Variants in PUS7 observed in about 807,000 individuals in gnomAD.
The protein encoded by PUS7 is pseudouridylate synthase 7 homolog.
A neutral mutation model predicts 79.8 loss-of-function variants in PUS7; 48 were observed. That is an observed-to-expected ratio of 0.60 (90% CI 0.48 to 0.76). The LOEUF (loss-of-function observed/expected upper bound fraction) is 0.76. Among genes scored for constraint, PUS7 ranks in the 30% least tolerant of loss-of-function variants. The probability of loss-of-function intolerance (pLI) is 0.00; values close to 1 mark genes in which losing one functional copy is unlikely to be tolerated. For missense variants in PUS7, 729 were observed against 797.6 expected (o/e 0.91, Z 1.04); for synonymous variants, 286 against 272.2 (o/e 1.05, Z -0.50).
At chr7:105,462,797 A>T (rs1563351836) in intron 13 of PUS7, 47 bp from the exon 14 acceptor site, 9 of 1,570,312 alleles carry the variant, frequency 5.7e-6, no homozygotes, top group Non-Finnish European at 7.8e-6. Flanking sequence ...TTGTCAGTCA[A>T]GTTATCCTGA....
Position 105,510,360 on chromosome 7 carries a change from G to A in PUS7, c.-32-1816C>T, listed in dbSNP as rs567955926. Among the ~76,000 whole-genome samples the A allele has an allele frequency of 7.2e-5, 11 of 151,964 alleles. No individual in the cohort carries two copies. The South Asian group carries it at 1.9e-3, about 26-fold the overall frequency. On this transcript the variant is annotated intron_variant, in intron 1 of 15. Transcript: ENST00000469408. ...TATAACCACGCTTACTGACATGAAA[G>A]CCATACCTATGTCATACCACATTAA...
chr7:105,458,050 G>A (rs1227276994), intron 15 of PUS7, 124 bp from the exon 16 acceptor site: 1 of 1,076,526 alleles, frequency 9.3e-7, no homozygotes, highest in East Asian at 2.7e-5. Flanking sequence ...ACTTCCTAGG[G>A]GGCCTTGGAG....
chr7:105,508,447 G>A lies in PUS7; in HGVS notation c.66C>T (p.Asp22=). 1 of 1,614,074 alleles carries A rather than the reference G, an allele frequency of 6.2e-7. No homozygotes were observed. Among genetic ancestry groups the A allele is most frequent in the East Asian group, 2.2e-5 (1 of 44,888 alleles). Residue 22 remains aspartate, a synonymous_variant, in exon 2 of 16, where the codon GAC becomes GAT. Coordinates refer to ENST00000469408, the MANE Select transcript of PUS7 (RefSeq NM_019042.5). The stretch of plus-strand genomic sequence containing the variant: ...TTGTCTCTTCAACTGGGACTCCACT[G>A]TCATTATCTTCGACAACCAGTGCCC... The part of the protein sequence containing the change: ...KRGALVVEDN[D]SGVPVEETKK...
In PUS7 at chr7:105,459,168, C is replaced by T; in HGVS notation, c.1849G>A (p.Glu617Lys). The T allele has an allele frequency of 6.3e-7, 1 of 1,599,114 alleles. No homozygotes were observed. Among genetic ancestry groups the T allele is most frequent in the Non-Finnish European group, 8.5e-7 (1 of 1,170,188 alleles). ...EGKTPPVFAS[E>K]GKYRALKMDF... ...AGAGCTGATGACTGAGTAAACTTAC[C>T]AGAAGCAAAAACTGGTGGTGTCTTC... Residue 617 changes from glutamate (E) to lysine (K), a missense_variant and splice_region_variant, in exon 15 of 16, where the codon GAA becomes AAA. Transcript: ENST00000469408.
intron 6 of PUS7, 52 bp from the exon 7 acceptor site, chr7:105,491,669 G>A (rs759425463): frequency 3.3e-5 from 35 of 1,047,586 alleles, no homozygotes; most frequent in Middle Eastern, 4.3e-4. Context: ...AATATTATAA[G>A]GAAATCCTAA....
At chr7:105,502,362 G>C in intron 5 of PUS7, 58 bp downstream of exon 5, 3 of 1,603,448 alleles carry the variant, frequency 1.9e-6, no homozygotes, top group Non-Finnish European at 2.6e-6. Flanking sequence ...GGCTAACGAG[G>C]AGCGGGGCCT....
chr7:105,463,942 C>A (rs1823536769), intron 13 of PUS7, among the ~76,000 whole-genome samples: 1 of 152,108 alleles, frequency 6.6e-6, no homozygotes, highest in Non-Finnish European at 1.5e-5. Flanking sequence ...TCAAGTTACT[C>A]ATAAAAAATA....
Position 105,482,484 on chromosome 7 carries a change from A to AC in PUS7, c.921-45_921-44insG, listed in dbSNP as rs1385122062. 5 of 1,543,890 alleles carry AC rather than the reference A, an allele frequency of 3.2e-6. No homozygotes were observed. In the African/African-American group the frequency reaches 6.9e-5, roughly 21 times the overall value. On this transcript the variant is annotated intron_variant, in intron 7 of 15. Transcript: ENST00000469408. ...AAGCAACAAAACAAAAAAGAGTAGA[A>AC]AGAGGATCATGAGATACTGATTGTC...
intron 12 of PUS7, among the ~76,000 whole-genome samples, chr7:105,466,938 G>A (rs1823666150): frequency 6.6e-6 from 1 of 151,416 alleles, no homozygotes; most frequent in Non-Finnish European, 1.5e-5. Flanking sequence ...CTGCAGATGA[G>A]CAGATCATGT....
intron 5 of PUS7, among the ~76,000 whole-genome samples, chr7:105,500,291 C>T (rs1019713268): frequency 3.3e-5 from 5 of 151,968 alleles, no homozygotes; most frequent in Non-Finnish European, 5.9e-5. Context: ...AAGGAAACTT[C>T]GTAACAACAA....
rs1484311998 is a variant in PUS7, at chr7:105,457,188, G to C, written c.*602C>G. 6 of 152,064 alleles carry C rather than the reference G, an allele frequency of 3.9e-5. No individual in the cohort carries two copies. Among genetic ancestry groups the C allele is most frequent in the Admixed American group, 3.9e-4 (6 of 15,248 alleles). The allele number at this position is 152,064 out of a possible 1,614,324, so 9.4% of individuals were successfully genotyped here. A position where few individuals can be genotyped will look rare whatever the true frequency, so the allele number is the denominator to read the frequency against. Reference sequence around the variant, plus strand: ...ATGGGCCTATCAATGCAACGTTCCTGCAAGGCATTGATAATATAAATGCAA... The same window carrying C: ...ATGGGCCTATCAATGCAACGTTCCTCCAAGGCATTGATAATATAAATGCAA... On this transcript the variant is annotated 3_prime_UTR_variant, in exon 16 of 16. Transcript: ENST00000469408.
At chr7:105,518,502 A>G (rs1196523506) in intron 1 of PUS7, among the ~76,000 whole-genome samples, 4 of 151,536 alleles carry the variant, frequency 2.6e-5, no homozygotes, top group Admixed American at 6.6e-5. Context: ...TCCCAGCTCA[A>G]GCGATCCTCC....
chr7:105,495,761 A>G (rs1824986932), intron 5 of PUS7, among the ~76,000 whole-genome samples: 1 of 152,134 alleles, frequency 6.6e-6, no homozygotes, highest in South Asian at 2.1e-4. Flanking sequence ...TAAATAAAAG[A>G]AAAACATTTT....
At chr7:105,494,222 T>C (rs1824909637) in intron 6 of PUS7, among the ~76,000 whole-genome samples, 1 of 152,184 alleles carries the variant, frequency 6.6e-6, no homozygotes, top group African/African-American at 2.4e-5. Context: ...TCAACCAGAT[T>C]GTTAACTCTC....
chr7:105,466,414 C>T (rs2256788), intron 12 of PUS7, among the ~76,000 whole-genome samples: 121,269 of 151,554 alleles, frequency 0.8, 50,460 homozygotes, highest in Non-Finnish European at 0.91. Flanking sequence ...TGTGCTACTA[C>T]GCCTGGTTAG....
At chr7:105,511,530 G>C (rs1825701364) in intron 1 of PUS7, among the ~76,000 whole-genome samples, 2 of 151,914 alleles carry the variant, frequency 1.3e-5, no homozygotes, top group South Asian at 4.2e-4. Flanking sequence ...GGGAGGCTGA[G>C]GTGGGTGGAT....
chr7:105,481,028 T>C, intron 9 of PUS7, 24 bp downstream of exon 9: 1 of 1,599,436 alleles, frequency 6.3e-7, no homozygotes, highest in Non-Finnish European at 8.5e-7. Flanking sequence ...AAGCTATTTT[T>C]GATAAAAGAA....
At chr7:105,488,339 G>A (rs1453507247) in intron 7 of PUS7, among the ~76,000 whole-genome samples, 1 of 151,962 alleles carries the variant, frequency 6.6e-6, no homozygotes, top group Non-Finnish European at 1.5e-5. Context: ...AAGATTCTAG[G>A]GAACCAGAAT....
At chr7:105,473,301 A>G (rs1038327668) in intron 9 of PUS7, among the ~76,000 whole-genome samples, 1 of 151,928 alleles carries the variant, frequency 6.6e-6, no homozygotes, top group Non-Finnish European at 1.5e-5. Context: ...CTAGGCTGGA[A>G]TGCAGTGGCA....
Sources: gnomAD v4.1 joint callset for allele counts (sites outside exome capture counted in the v4.1 genomes callset) on GRCh38, gnomAD v4.1.1 for gene constraint, MANE v1.5 for transcripts, NCBI Gene and HGNC (gene_info 2026-07-23, HGNC 2026-07-21) for gene names.